FRMD5: variants seen among roughly 807,000 people sequenced by gnomAD.
FRMD5 encodes FERM domain-containing protein 5.
In FRMD5, 20 loss-of-function variants were observed where a neutral mutation model predicts 69.0. The observed-to-expected ratio is 0.29, with a 90% CI of 0.20 to 0.42. The LOEUF is 0.42. Among genes scored for constraint, FRMD5 ranks in the 10% least tolerant of loss-of-function variants. The probability of loss-of-function intolerance (pLI) is 1.00; values close to 1 mark genes in which losing one functional copy is unlikely to be tolerated. For missense variants in FRMD5, 595 were observed against 708.6 expected (o/e 0.84, Z 1.82); for synonymous variants, 271 against 260.1 (o/e 1.04, Z -0.40).
intron 1 of FRMD5, among the ~76,000 whole-genome samples, chr15:44,109,266 C>G (rs1170069809): frequency 6.6e-6 from 1 of 152,006 alleles, no homozygotes; most frequent in Admixed American, 6.5e-5. Flanking sequence ...ATCTTGATCT[C>G]TCCTTTCTTT....
At chr15:44,145,419 C>T (rs1459593728) in intron 1 of FRMD5, among the ~76,000 whole-genome samples, 1 of 151,920 alleles carries the variant, frequency 6.6e-6, no homozygotes, top group East Asian at 1.9e-4. Flanking sequence ...TTCATAAATG[C>T]AGTGTTCTTG....
At chr15:44,110,193 G>GC (rs2076777850) in intron 1 of FRMD5, among the ~76,000 whole-genome samples, 1 of 152,096 alleles carries the variant, frequency 6.6e-6, no homozygotes, top group Non-Finnish European at 1.5e-5. Flanking sequence ...GGCAGTTTTT[G>GC]TTTTTTTAGA....
intron 1 of FRMD5, among the ~76,000 whole-genome samples, chr15:44,084,777 A>C (rs1170777989): frequency 1.3e-5 from 2 of 152,116 alleles, no homozygotes; most frequent in Non-Finnish European, 2.9e-5. Context: ...TTTTAAAAAG[A>C]ACTATAGAAA....
At chr15:44,016,080 G>C (rs1890944347) in intron 1 of FRMD5, among the ~76,000 whole-genome samples, 2 of 152,122 alleles carry the variant, frequency 1.3e-5, no homozygotes, top group Admixed American at 1.3e-4. Flanking sequence ...ATTATCTCTT[G>C]CTTCAAAACC....
chr15:44,180,522 C>A (rs1413099729), intron 1 of FRMD5, among the ~76,000 whole-genome samples: 3 of 152,178 alleles, frequency 2.0e-5, no homozygotes, highest in Non-Finnish European at 4.4e-5. Context: ...CGGCAGCTCA[C>A]ACCTGTATTC....
At chr15:43,881,692 TG>T (rs1264804928) in intron 13 of FRMD5, among the ~76,000 whole-genome samples, 1 of 152,100 alleles carries the variant, frequency 6.6e-6, no homozygotes, top group Non-Finnish European at 1.5e-5. Flanking sequence ...TTGCAACCAA[TG>T]GGGTGGGCAA....
intron 1 of FRMD5, 52 bp from the exon 2 acceptor site, chr15:43,924,361 CT>C (rs5812256): frequency 0.072 from 74,142 of 1,027,000 alleles, no homozygotes; most frequent in East Asian, 0.083. Flanking sequence ...TTCAGTGTAA[CT>C]TTTTTTTTTT....
At chr15:44,059,009 T>C (rs1395378320) in intron 1 of FRMD5, among the ~76,000 whole-genome samples, 1 of 152,168 alleles carries the variant, frequency 6.6e-6, no homozygotes, top group African/African-American at 2.4e-5. Flanking sequence ...GCCAGGATCT[T>C]TGAGGACAAA....
rs566415910 is a variant in FRMD5, at chr15:44,195,101, T to A, written c.-47A>T. On this transcript the variant is annotated 5_prime_UTR_variant, in exon 1 of 14. Transcript: ENST00000417257. The stretch of plus-strand genomic sequence containing the variant: ...AGCGACGCGGCGGCGCTGCGGACCC[T>A]GGACCAGGCGTCCCTCAGCCCGGCA... 1 of 1,222,684 alleles carries A rather than the reference T, an allele frequency of 8.2e-7. No homozygotes were observed. Among genetic ancestry groups the A allele is most frequent in the African/African-American group, 1.7e-5 (1 of 60,028 alleles). 75.7% of individuals were successfully genotyped at this position (1,222,684 alleles called of 1,614,324 possible).
intron 1 of FRMD5, among the ~76,000 whole-genome samples, chr15:44,160,054 T>C (rs957335351): frequency 2.0e-5 from 3 of 152,156 alleles, no homozygotes; most frequent in African/African-American, 7.2e-5. Context: ...TTAGTTCTCA[T>C]AGAAATAACT....
chr15:44,103,455 A>G (rs753988573), intron 1 of FRMD5, among the ~76,000 whole-genome samples: 1 of 152,174 alleles, frequency 6.6e-6, no homozygotes, highest in Non-Finnish European at 1.5e-5. Context: ...CACAACATGT[A>G]TTTTCAAAGT....
At chr15:44,155,249 C>T (rs555338468) in intron 1 of FRMD5, among the ~76,000 whole-genome samples, 7 of 151,868 alleles carry the variant, frequency 4.6e-5, no homozygotes, top group African/African-American at 7.3e-5. Context: ...CTGGCCAACA[C>T]GGTGAAACCC....
chr15:44,162,988 C>G (rs1452216027), intron 1 of FRMD5, among the ~76,000 whole-genome samples: 1 of 150,802 alleles, frequency 6.6e-6, no homozygotes, highest in Non-Finnish European at 1.5e-5. Context: ...TCCTGGCTAA[C>G]ACAGTGAAAC....
At position 43,873,660 on chromosome 15, in the gene FRMD5, G is replaced by GAAAT. The variant is rs748229179; in HGVS notation, c.*221_*224dup. 26 of 1,481,408 alleles carry GAAAT rather than the reference G, an allele frequency of 1.8e-5. No homozygotes were observed. In the South Asian group the frequency reaches 3.1e-4, roughly 18 times the overall value. 91.8% of individuals were successfully genotyped at this position (1,481,408 alleles called of 1,614,324 possible). A position where few individuals can be genotyped will look rare whatever the true frequency, so the allele number is the denominator to read the frequency against. Reference sequence around the variant, plus strand: ...GAAACAGAGTCGCTGAGCCTTTCTTGAAATAACTTCTGAAGAAAATGAGTT... The same window carrying GAAAT: ...GAAACAGAGTCGCTGAGCCTTTCTTGAAATAAATAACTTCTGAAGAAAATGAGTT... On this transcript the variant is annotated 3_prime_UTR_variant, in exon 14 of 14. Transcript: ENST00000417257.
intron 1 of FRMD5, among the ~76,000 whole-genome samples, chr15:44,044,658 C>A (rs528845471): frequency 2.6e-5 from 4 of 151,224 alleles, no homozygotes; most frequent in Non-Finnish European, 5.9e-5. Context: ...CAAACTAACA[C>A]AAGAACAGAA....
intron 1 of FRMD5, among the ~76,000 whole-genome samples, chr15:44,053,232 T>C (rs1011660565): frequency 3.3e-5 from 5 of 152,202 alleles, no homozygotes; most frequent in Non-Finnish European, 5.9e-5. Context: ...AGGGGGATAC[T>C]GGCAAAAGAT....
intron 1 of FRMD5, among the ~76,000 whole-genome samples, chr15:43,934,605 G>A (rs1172285144): frequency 6.6e-6 from 1 of 152,194 alleles, no homozygotes; most frequent in African/African-American, 2.4e-5. Context: ...GCCTCTAGCA[G>A]GCCTGACACA....
chr15:44,016,857 C>T (rs1387528087), intron 1 of FRMD5, among the ~76,000 whole-genome samples: 11 of 145,054 alleles, frequency 7.6e-5, no homozygotes, highest in African/African-American at 2.8e-4. Flanking sequence ...TTTTTTGAGA[C>T]AGGGTCTCAC....
chr15:43,989,553 C>T lies in FRMD5; in HGVS notation c.103-65244G>A, dbSNP rs1889567097. 2.9e-5 allele frequency: 25 copies of T among 873,996 alleles called. No individual in the cohort carries two copies. In the South Asian group the frequency reaches 3.1e-4, roughly 11 times the overall value. 54.1% of individuals were successfully genotyped at this position (873,996 alleles called of 1,614,324 possible). A position where few individuals can be genotyped will look rare whatever the true frequency, so the allele number is the denominator to read the frequency against. Reference sequence around the variant, plus strand: ...ACATAGCACAGCTTCTCCTTGATGTCATGCACAATTTCCCGCTTGGCTGTG... The same window carrying T: ...ACATAGCACAGCTTCTCCTTGATGTTATGCACAATTTCCCGCTTGGCTGTG... On this transcript the variant is annotated intron_variant, in intron 1 of 13. Transcript: ENST00000417257.
Sources: allele counts gnomAD v4.1 joint callset (sites outside exome capture counted in the v4.1 genomes callset), GRCh38; gene constraint gnomAD v4.1.1; transcripts MANE v1.5; gene names NCBI Gene and HGNC (gene_info 2026-07-23, HGNC 2026-07-21).